The following SLC25A26 variants were observed in gnomAD, a reference collection of about 807,000 sequenced individuals.
SLC25A26 encodes mitochondrial S-adenosylmethionine carrier protein.
SLC25A26 carries 36 observed loss-of-function variants against 37.8 expected under a neutral mutation model. That is an observed-to-expected ratio of 0.95 (90% CI 0.73 to 1.26). The LOEUF (loss-of-function observed/expected upper bound fraction) is 1.26. Among genes scored for constraint, SLC25A26 ranks in the 50% most tolerant of loss-of-function variants. SLC25A26 has a pLI of 0.00. For synonymous variants in SLC25A26, 129 were observed against 122.5 expected, an observed-to-expected ratio of 1.05 and a Z score of -0.35; for missense variants, 390 against 331.1, an observed-to-expected ratio of 1.18 and a Z score of -1.38.
At chr3:66,294,529 G>T (rs1051365030) in intron 5 of SLC25A26, among the ~76,000 whole-genome samples, 1 of 152,178 alleles carries the variant, frequency 6.6e-6, no homozygotes, top group African/African-American at 2.4e-5. Context: ...AGATAATCAT[G>T]TAGTATTTGT....
chr3:66,376,516 G>A (rs1285541019), intron 9 of SLC25A26, among the ~76,000 whole-genome samples: 4 of 152,196 alleles, frequency 2.6e-5, no homozygotes, highest in African/African-American at 9.7e-5. Flanking sequence ...ATTTACTGCA[G>A]GCTCAGATGC....
intron 4 of SLC25A26, among the ~76,000 whole-genome samples, chr3:66,262,742 C>T (rs1050942222): frequency 1.3e-5 from 2 of 152,048 alleles, no homozygotes; most frequent in Non-Finnish European, 2.9e-5. Context: ...TGGTGTGTTA[C>T]ATAGGTGAGG....
chr3:66,370,478 GTGAT>G, intron 8 of SLC25A26, 47 bp from the exon 9 acceptor site: 1 of 1,443,280 alleles, frequency 6.9e-7, no homozygotes, highest in South Asian at 1.2e-5. Context: ...AGGCAAGTGT[GTGAT>G]TGGGAGCTTC....
chr3:66,226,788 T>TG (rs2071775245), intron 1 of SLC25A26, among the ~76,000 whole-genome samples: 1 of 53,910 alleles, frequency 1.9e-5, no homozygotes, highest in Non-Finnish European at 1.0e-4. Context: ...TTTTAGAAAA[T>TG]TTTTTTTGTA....
intron 1 of SLC25A26, among the ~76,000 whole-genome samples, chr3:66,187,371 C>T (rs1447936858): frequency 6.6e-6 from 1 of 152,056 alleles, no homozygotes; most frequent in Non-Finnish European, 1.5e-5. Flanking sequence ...TATGATGACT[C>T]TTATTCTCAC....
At position 66,184,780 on chromosome 3, in the gene SLC25A26, T is replaced by C. The variant is rs1363944990; in HGVS notation, c.-353-35962T>C. 1.3e-5 allele frequency among the ~76,000 whole-genome samples: 2 copies of C among 151,924 alleles called. 1 individual carries two copies. The highest frequency in any genetic ancestry group is 4.8e-5 in the African/African-American group (2 of 41,346). On this transcript the variant is annotated intron_variant, in intron 1 of 10. Transcript: ENST00000676754. ...ATCATGCTGACATTGACTCTAACCA[T>C]CCCACCCCTCTAAAGTTACCCTAAA... is the stretch of plus-strand genomic sequence containing the variant.
intron 1 of SLC25A26, among the ~76,000 whole-genome samples, chr3:66,175,140 T>TACACACACACAC (rs1227038410): frequency 1.5e-5 from 1 of 67,046 alleles, no homozygotes; most frequent in African/African-American, 6.4e-5. Context: ...TATATATATA[T>TACACACACACAC]ACACACACAC....
chr3:66,228,606 G>T (rs1553661846), intron 1 of SLC25A26, among the ~76,000 whole-genome samples: 2 of 152,118 alleles, frequency 1.3e-5, no homozygotes, highest in Non-Finnish European at 2.9e-5. Flanking sequence ...GAAAAATATG[G>T]TCCCCCACCT....
chr3:66,206,943 C>T (rs1314464397), intron 1 of SLC25A26, among the ~76,000 whole-genome samples: 15 of 140,462 alleles, frequency 1.1e-4, no homozygotes, highest in Admixed American at 3.0e-4. Flanking sequence ...TGTTGCCTGG[C>T]GGGGGAGGTG....
At chr3:66,321,043 A>G (rs2075679956) in intron 5 of SLC25A26, among the ~76,000 whole-genome samples, 1 of 152,144 alleles carries the variant, frequency 6.6e-6, no homozygotes, top group Non-Finnish European at 1.5e-5. Context: ...TGGAGGCCCC[A>G]TGATGGGATT....
At chr3:66,229,196 C>T (rs1553662146) in intron 1 of SLC25A26, among the ~76,000 whole-genome samples, 1 of 152,108 alleles carries the variant, frequency 6.6e-6, no homozygotes, top group African/African-American at 2.4e-5. Flanking sequence ...TTTTGCTAAC[C>T]ATATAACAGG....
intron 3 of SLC25A26, among the ~76,000 whole-genome samples, chr3:66,259,788 C>T (rs1003751953): frequency 1.3e-5 from 2 of 152,136 alleles, no homozygotes; most frequent in Non-Finnish European, 2.9e-5. Flanking sequence ...TCCCTAAGCA[C>T]ACGTCATTCC....
intron 1 of SLC25A26, among the ~76,000 whole-genome samples, chr3:66,209,110 A>G (rs2071234254): frequency 8.8e-6 from 1 of 113,432 alleles, no homozygotes; most frequent in African/African-American, 3.1e-5. Context: ...ATATATATAT[A>G]TATACACAAA....
chr3:66,204,878 A>G (rs1435403206), intron 1 of SLC25A26, among the ~76,000 whole-genome samples: 1 of 152,198 alleles, frequency 6.6e-6, no homozygotes, highest in Non-Finnish European at 1.5e-5. Context: ...CTATCAGTCA[A>G]CATTTTAAAC....
intron 3 of SLC25A26, among the ~76,000 whole-genome samples, chr3:66,246,931 G>A (rs541657624): frequency 3.2e-4 from 48 of 152,202 alleles, no homozygotes; most frequent in Non-Finnish European, 5.4e-4. Context: ...GCGCGATCTC[G>A]GCTCACTGCA....
intron 5 of SLC25A26, among the ~76,000 whole-genome samples, chr3:66,280,910 T>A (rs937720816): frequency 6.6e-6 from 1 of 152,168 alleles, no homozygotes; most frequent in Non-Finnish European, 1.5e-5. Flanking sequence ...ACAATGCCAT[T>A]ATCACACCCA....
chr3:66,340,701 C>T (rs540017325), intron 5 of SLC25A26, among the ~76,000 whole-genome samples: 4 of 152,036 alleles, frequency 2.6e-5, no homozygotes, highest in African/African-American at 9.6e-5. Flanking sequence ...ATTGTTTATC[C>T]TTACGCCTTG....
chr3:66,145,034 A>T (rs1234358388), intron 1 of SLC25A26, among the ~76,000 whole-genome samples: 1 of 152,190 alleles, frequency 6.6e-6, no homozygotes, highest in Non-Finnish European at 1.5e-5. Flanking sequence ...CAGAGAAATG[A>T]TGCATGCCAG....
chr3:66,163,376 T>C (rs1274766079), intron 1 of SLC25A26, among the ~76,000 whole-genome samples: 1 of 152,164 alleles, frequency 6.6e-6, no homozygotes, highest in Non-Finnish European at 1.5e-5. Context: ...ATTGGGTTGT[T>C]TTTCCAACCA....
Sources: allele counts gnomAD v4.1 joint callset (sites outside exome capture counted in the v4.1 genomes callset), GRCh38; gene constraint gnomAD v4.1.1; transcripts MANE v1.5; gene names NCBI Gene and HGNC (gene_info 2026-07-23, HGNC 2026-07-21).